Variants in NEK10 observed in about 807,000 individuals in gnomAD.
NEK10 encodes the protein NIMA related kinase 10.
Under a neutral mutation model 159.8 loss-of-function variants are expected in NEK10, and 122 were observed. The ratio of observed to expected loss-of-function variants is 0.76; its 90% CI spans 0.66 to 0.89. NEK10 has a LOEUF of 0.89. NEK10 is among the 40% of genes least tolerant of loss of function. The pLI is 0.00. For synonymous variants in NEK10, 466 were observed against 457.1 expected, an observed-to-expected ratio of 1.02 and a Z score of -0.25; for missense variants, 1,342 against 1,323.1, an observed-to-expected ratio of 1.01 and a Z score of -0.22.
chr3:27,236,992 C>G (rs1408551927), intron 23 of NEK10, among the ~76,000 whole-genome samples: 2 of 152,076 alleles, frequency 1.3e-5, no homozygotes, highest in African/African-American at 4.8e-5. Context: ...GACAGACACT[C>G]CCAAAGTGGC....
Position 27,109,378 on chromosome 3 carries a change from T to TAA in NEK10, c.*1892_*1893dup, listed in dbSNP as rs369638958. On this transcript the variant is annotated 3_prime_UTR_variant, in exon 36 of 36. Coordinates refer to ENST00000691995, the MANE Select transcript of NEK10 (RefSeq NM_001394966.1). ...TGGGCAACAGAGTGAGACTCTGTCT[T>TAA]AAAAAAAAAAAAAAAAAAAAAGAGT... 3.1e-3 allele frequency among the ~76,000 whole-genome samples: 358 copies of TAA among 117,202 alleles called. 2 individuals carry two copies. The highest frequency in any genetic ancestry group is 0.02 in the East Asian group (79 of 3,862). 76.9% of individuals were successfully genotyped at this position (117,202 alleles called of 152,430 possible).
chr3:27,123,651 G>A (rs1213516488), intron 32 of NEK10, among the ~76,000 whole-genome samples: 2 of 152,134 alleles, frequency 1.3e-5, no homozygotes, highest in Admixed American at 6.6e-5. Flanking sequence ...TGTCCACCTA[G>A]ATACATGTAA....
chr3:27,268,635 T>C (rs1575527504), intron 22 of NEK10, among the ~76,000 whole-genome samples: 1 of 152,182 alleles, frequency 6.6e-6, no homozygotes, highest in East Asian at 1.9e-4. Context: ...AAAATTCCTT[T>C]CAAAATATTA....
chr3:27,256,008 A>T (rs1956131855), intron 23 of NEK10, among the ~76,000 whole-genome samples: 1 of 152,176 alleles, frequency 6.6e-6, no homozygotes, highest in South Asian at 2.1e-4. Flanking sequence ...TCATTAAACA[A>T]CTATTGCACA....
chr3:27,261,824 G>C (rs2040436815), intron 22 of NEK10, among the ~76,000 whole-genome samples: 1 of 152,154 alleles, frequency 6.6e-6, no homozygotes, highest in Non-Finnish European at 1.5e-5. Context: ...ACAGTGGGGT[G>C]TTAACGTCTC....
chr3:27,263,408 C>G (rs1417193946), intron 22 of NEK10, among the ~76,000 whole-genome samples: 2 of 152,188 alleles, frequency 1.3e-5, no homozygotes, highest in Non-Finnish European at 2.9e-5. Flanking sequence ...ATGCTCTGCC[C>G]CCAGAGGTGG....
At chr3:27,248,657 G>C (rs1391305375) in intron 23 of NEK10, among the ~76,000 whole-genome samples, 1 of 152,110 alleles carries the variant, frequency 6.6e-6, no homozygotes, top group Non-Finnish European at 1.5e-5. Context: ...TGTGTTTGTA[G>C]AGTATCCAAT....
At chr3:27,224,011 G>C (rs1045371848) in intron 23 of NEK10, among the ~76,000 whole-genome samples, 4 of 152,280 alleles carry the variant, frequency 2.6e-5, no homozygotes, top group Non-Finnish European at 5.9e-5. Context: ...GATCTTGTTT[G>C]GAAAGAGGAT....
intron 26 of NEK10, among the ~76,000 whole-genome samples, chr3:27,180,990 A>G (rs1364648358): frequency 6.6e-6 from 1 of 152,128 alleles, no homozygotes; most frequent in East Asian, 1.9e-4. Flanking sequence ...CACGCTGGAC[A>G]CACAGGCCTC....
chr3:27,225,436 CTG>C (rs1553688618), intron 23 of NEK10, among the ~76,000 whole-genome samples: 7 of 150,920 alleles, frequency 4.6e-5, no homozygotes, highest in East Asian at 1.9e-4. Context: ...GAAGAAGAAA[CTG>C]GAGAATGTGC....
At chr3:27,334,940 A>C (rs1007997171) in intron 5 of NEK10, among the ~76,000 whole-genome samples, 1 of 152,220 alleles carries the variant, frequency 6.6e-6, no homozygotes, top group Non-Finnish European at 1.5e-5. Context: ...TTGTTTCAAA[A>C]GAAGTTCAGT....
intron 25 of NEK10, among the ~76,000 whole-genome samples, chr3:27,201,174 T>C (rs115310292): frequency 2.0e-5 from 3 of 152,356 alleles, no homozygotes; most frequent in African/African-American, 7.2e-5. Context: ...CTTTTTCCAA[T>C]TTTTTGCATA....
chr3:27,270,021 T>C (rs1213582695), intron 22 of NEK10, among the ~76,000 whole-genome samples: 1 of 152,204 alleles, frequency 6.6e-6, no homozygotes, highest in African/African-American at 2.4e-5. Flanking sequence ...TCTTTAACAT[T>C]CCTCCCTTCA....
At chr3:27,132,205 T>C (rs1378075033) in intron 31 of NEK10, among the ~76,000 whole-genome samples, 10 of 152,252 alleles carry the variant, frequency 6.6e-5, no homozygotes, top group Non-Finnish European at 1.3e-4. Flanking sequence ...AATGGCTGCT[T>C]CCATTTATCT....
rs11351970 is a variant in NEK10, at chr3:27,331,237, C to CAAAAAAAAAAA, written c.363-8987_363-8977dup. 6.6e-3 allele frequency among the ~76,000 whole-genome samples: 195 copies of CAAAAAAAAAAA among 29,532 alleles called. 17 individuals carry two copies. The highest frequency in any genetic ancestry group is 0.016 in the East Asian group (8 of 504). The allele number at this position is 29,532 out of a possible 152,430, so 19.4% of individuals were successfully genotyped here. On this transcript the variant is annotated intron_variant, in intron 5 of 35. Transcript: ENST00000691995. Reference sequence around the variant, plus strand: ...TGGGTGATAAAGTAAGACTCTGTCTCAAAAAAAAAAAAACAAAAAAAAAAA... The same window carrying CAAAAAAAAAAA: ...TGGGTGATAAAGTAAGACTCTGTCTCAAAAAAAAAAAAAAAAAAAAAAAACAAAAAAAAAAA...
At chr3:27,237,356 G>T (rs1300931135) in intron 23 of NEK10, among the ~76,000 whole-genome samples, 1 of 152,162 alleles carries the variant, frequency 6.6e-6, no homozygotes, top group Non-Finnish European at 1.5e-5. Context: ...ACAGGCATAA[G>T]AAATTATAAG....
At chr3:27,332,980 G>A (rs1054242341) in intron 5 of NEK10, among the ~76,000 whole-genome samples, 2 of 152,180 alleles carry the variant, frequency 1.3e-5, no homozygotes, top group African/African-American at 4.8e-5. Flanking sequence ...CTGACTAGGG[G>A]CATTTTGTAC....
At chr3:27,142,634 G>T (rs1481483064) in intron 30 of NEK10, among the ~76,000 whole-genome samples, 1 of 151,908 alleles carries the variant, frequency 6.6e-6, no homozygotes, top group Non-Finnish European at 1.5e-5. Flanking sequence ...CTTTAAAAAC[G>T]CTTCTATTAT....
intron 30 of NEK10, 150 bp downstream of exon 30, chr3:27,162,538 TCCTTAATGTGGGC>T: frequency 6.2e-7 from 1 of 1,614,110 alleles, no homozygotes; most frequent in Non-Finnish European, 8.5e-7. Context: ...AGCCTCTATT[TCCTTAATGTGGGC>T]CCTGAGCATG....
Sources: gnomAD v4.1 joint callset for allele counts (sites outside exome capture counted in the v4.1 genomes callset) on GRCh38, gnomAD v4.1.1 for gene constraint, MANE v1.5 for transcripts, NCBI Gene and HGNC (gene_info 2026-07-23, HGNC 2026-07-21) for gene names.